The following FAF1 variants were observed in gnomAD, a reference collection of about 807,000 sequenced individuals.
The protein encoded by FAF1 is FAS-associated factor 1.
FAF1 carries 25 observed loss-of-function variants against 92.5 expected under a neutral mutation model. The observed-to-expected ratio is 0.27, with a 90% CI of 0.20 to 0.38. The LOEUF is 0.38. FAF1 is among the 10% of genes least tolerant of loss of function. FAF1 has a pLI of 1.00. For synonymous variants in FAF1, 234 were observed against 273.2 expected, an observed-to-expected ratio of 0.86 and a Z score of 1.42; for missense variants, 636 against 793.3, an observed-to-expected ratio of 0.80 and a Z score of 2.38.
intron 8 of FAF1, among the ~76,000 whole-genome samples, chr1:50,606,033 C>G (rs1274610541): frequency 1.3e-5 from 2 of 152,056 alleles, no homozygotes; most frequent in African/African-American, 4.8e-5. Context: ...TCTTTGTTGA[C>G]AGCAATAAAG....
At chr1:50,703,649 ATC>A (rs1657561299) in intron 7 of FAF1, among the ~76,000 whole-genome samples, 1 of 152,324 alleles carries the variant, frequency 6.6e-6, no homozygotes, top group Admixed American at 6.5e-5. Context: ...ACATAAGAAT[ATC>A]TGTCTTTGCA....
At chr1:50,833,794 C>T (rs911774469) in intron 2 of FAF1, among the ~76,000 whole-genome samples, 1 of 152,150 alleles carries the variant, frequency 6.6e-6, no homozygotes, top group African/African-American at 2.4e-5. Context: ...AACTCAGGGA[C>T]AAAGACCAGA....
chr1:50,638,202 T>G (rs1654150242), intron 8 of FAF1, among the ~76,000 whole-genome samples: 1 of 152,170 alleles, frequency 6.6e-6, no homozygotes, highest in South Asian at 2.1e-4. Context: ...ATTAGCTTTT[T>G]GGTGGATTAT....
At chr1:50,926,438 G>T (rs1458900779) in intron 1 of FAF1, among the ~76,000 whole-genome samples, 1 of 152,144 alleles carries the variant, frequency 6.6e-6, no homozygotes, top group Non-Finnish European at 1.5e-5. Flanking sequence ...GGCAGTGAGA[G>T]GGAGAATGGG....
chr1:50,532,642 A>C (rs1572813456), intron 15 of FAF1, among the ~76,000 whole-genome samples: 3 of 152,314 alleles, frequency 2.0e-5, no homozygotes, highest in Non-Finnish European at 4.4e-5. Context: ...TTCAGAGTAA[A>C]TGAAACATTG....
At chr1:50,850,312 G>A (rs1644337577) in intron 2 of FAF1, among the ~76,000 whole-genome samples, 1 of 152,100 alleles carries the variant, frequency 6.6e-6, no homozygotes, top group Non-Finnish European at 1.5e-5. Context: ...TGAAGAGGAG[G>A]GGTTAAATGC....
At chr1:50,889,850 G>T (rs1420935541) in intron 1 of FAF1, among the ~76,000 whole-genome samples, 1 of 152,166 alleles carries the variant, frequency 6.6e-6, no homozygotes, top group South Asian at 2.1e-4. Context: ...TGTTGATTTG[G>T]GGTGGAGAGT....
intron 8 of FAF1, among the ~76,000 whole-genome samples, chr1:50,612,021 C>T (rs75580261): frequency 0.016 from 2,481 of 152,180 alleles, 74 homozygotes; most frequent in African/African-American, 0.055. Context: ...TATTGGTGAA[C>T]GAAAACAGTT....
At chr1:50,846,599 T>A in intron 2 of FAF1, 1 of 531,762 alleles carries the variant, frequency 1.9e-6, no homozygotes, top group Middle Eastern at 4.3e-4. Context: ...CCTGGGTGAG[T>A]GAGCGCTTCC....
intron 15 of FAF1, among the ~76,000 whole-genome samples, chr1:50,535,019 A>T (rs1194899617): frequency 1.3e-5 from 2 of 152,192 alleles, no homozygotes; most frequent in Non-Finnish European, 2.9e-5. Flanking sequence ...GAGTAAGAGG[A>T]CCATAAAACT....
chr1:50,866,937 T>A (rs899945187), intron 1 of FAF1, among the ~76,000 whole-genome samples: 2 of 152,066 alleles, frequency 1.3e-5, no homozygotes, highest in African/African-American at 2.4e-5. Flanking sequence ...AACTTCAAAC[T>A]ATACTACAAG....
intron 8 of FAF1, among the ~76,000 whole-genome samples, chr1:50,644,131 G>T (rs1255513279): frequency 6.6e-6 from 1 of 152,084 alleles, no homozygotes; most frequent in African/African-American, 2.4e-5. Flanking sequence ...TTGGATGCTG[G>T]ACTTTGTTTT....
chr1:50,922,816 C>A (rs918556595), intron 1 of FAF1, among the ~76,000 whole-genome samples: 3 of 76,758 alleles, frequency 3.9e-5, no homozygotes, highest in African/African-American at 1.1e-4. Flanking sequence ...GAGAATCCAC[C>A]ACAAAAAAAA....
intron 1 of FAF1, among the ~76,000 whole-genome samples, chr1:50,905,727 T>C (rs1449934070): frequency 6.6e-6 from 1 of 152,196 alleles, no homozygotes; most frequent in East Asian, 1.9e-4. Flanking sequence ...TTTGATGGGG[T>C]TGATTTTTTC....
chr1:50,729,024 ATCTATCTATC>A lies in FAF1; in HGVS notation c.551+9829_551+9838del, dbSNP rs1481648746. 4.8e-3 allele frequency among the ~76,000 whole-genome samples: 372 copies of A among 77,312 alleles called. 2 individuals carry two copies. The highest frequency in any genetic ancestry group is 0.021 in the African/African-American group (345 of 16,626). 50.7% of individuals were successfully genotyped at this position (77,312 alleles called of 152,430 possible). On this transcript the variant is annotated intron_variant, in intron 6 of 18. Coordinates refer to ENST00000396153, the MANE Select transcript of FAF1 (RefSeq NM_007051.3). ...ACTTTATCTATCTATCTATCTATCT[ATCTATCTATC>A]TATATATATATATATATATATATAT...
intron 2 of FAF1, among the ~76,000 whole-genome samples, chr1:50,803,014 C>G (rs1342787717): frequency 6.6e-6 from 1 of 152,062 alleles, no homozygotes; most frequent in Non-Finnish European, 1.5e-5. Context: ...AAAAATAAAA[C>G]AAATCCATAG....
intron 8 of FAF1, among the ~76,000 whole-genome samples, chr1:50,644,404 C>G (rs905636389): frequency 6.6e-6 from 1 of 152,148 alleles, no homozygotes; most frequent in Admixed American, 6.5e-5. Context: ...TACTCTTTTT[C>G]CTAACAATTT....
chr1:50,855,147 G>A (rs1205090629), intron 2 of FAF1, among the ~76,000 whole-genome samples: 5 of 151,692 alleles, frequency 3.3e-5, no homozygotes, highest in South Asian at 2.1e-4. Flanking sequence ...CAAGCATTTC[G>A]GATAAGGAAT....
At chr1:50,560,519 T>C (rs1007509963) in intron 13 of FAF1, among the ~76,000 whole-genome samples, 11 of 152,250 alleles carry the variant, frequency 7.2e-5, no homozygotes, top group Non-Finnish European at 8.8e-5. Flanking sequence ...ACCCAAGCAC[T>C]ATTGGCAACT....
Sources: gnomAD v4.1 joint callset for allele counts (sites outside exome capture counted in the v4.1 genomes callset) on GRCh38, gnomAD v4.1.1 for gene constraint, MANE v1.5 for transcripts, NCBI Gene and HGNC (gene_info 2026-07-23, HGNC 2026-07-21) for gene names.